Variants in TET1 observed in about 807,000 individuals in gnomAD.
The protein encoded by TET1 is tet methylcytosine dioxygenase 1, also known as methylcytosine dioxygenase TET1.
Under a neutral mutation model 148.7 loss-of-function variants are expected in TET1, and 13 were observed. The ratio of observed to expected loss-of-function variants is 0.09; its 90% CI spans 0.06 to 0.14. TET1 has a LOEUF of 0.14. Ranked by LOEUF, TET1 falls within the 10% of genes least tolerant of loss-of-function variation. TET1 has a pLI of 1.00. For missense variants in TET1, 2,182 were observed against 2,553.8 expected (o/e 0.85, Z 3.14); for synonymous variants, 907 against 937.2 (o/e 0.97, Z 0.59).
At chr10:68,569,273 C>CGCCATTCT (rs1389890600) in intron 1 of TET1, among the ~76,000 whole-genome samples, 1 of 147,806 alleles carries the variant, frequency 6.8e-6, no homozygotes, top group Non-Finnish European at 1.5e-5. Context: ...CCCGGGTTCA[C>CGCCATTCT]GCCATTCTCC....
intron 3 of TET1, among the ~76,000 whole-genome samples, chr10:68,618,958 C>T (rs2054332434): frequency 6.6e-6 from 1 of 151,982 alleles, no homozygotes; most frequent in South Asian, 2.1e-4. Context: ...CAGAATTAGA[C>T]CCTGTCTCTT....
chr10:68,688,865 C>G (rs904189734), intron 11 of TET1, among the ~76,000 whole-genome samples: 2 of 152,162 alleles, frequency 1.3e-5, no homozygotes, highest in Non-Finnish European at 2.9e-5. Context: ...TACTGACACT[C>G]AAAATTAACA....
intron 8 of TET1, among the ~76,000 whole-genome samples, chr10:68,680,554 C>A (rs2055422707): frequency 6.6e-6 from 1 of 152,118 alleles, no homozygotes; most frequent in Non-Finnish European, 1.5e-5. Context: ...CACCAAGTTC[C>A]CCAGACTGGT....
chr10:68,592,886 G>A (rs2053934740), intron 2 of TET1, among the ~76,000 whole-genome samples: 2 of 152,076 alleles, frequency 1.3e-5, no homozygotes, highest in African/African-American at 4.8e-5. Flanking sequence ...GTTTCCGGGT[G>A]GGTGGCAACA....
At chr10:68,594,933 C>T (rs2053960371) in intron 2 of TET1, among the ~76,000 whole-genome samples, 1 of 149,244 alleles carries the variant, frequency 6.7e-6, no homozygotes, top group African/African-American at 2.5e-5. Context: ...GAGCAGAGAT[C>T]TCGCCATTGC....
intron 4 of TET1, among the ~76,000 whole-genome samples, chr10:68,649,605 C>CA (rs557761071): frequency 0.11 from 8,543 of 79,714 alleles, 896 homozygotes; most frequent in African/African-American, 0.28. Flanking sequence ...GACTCTGTCT[C>CA]AAAAAAAAAA....
At chr10:68,653,876 G>A (rs1192390105) in intron 6 of TET1, among the ~76,000 whole-genome samples, 1 of 151,858 alleles carries the variant, frequency 6.6e-6, no homozygotes. Flanking sequence ...GGAGGCCGAG[G>A]TGGGCAGATC....
At position 68,691,013 on chromosome 10, in the gene TET1, C is replaced by G; in HGVS notation, c.5610C>G (p.Cys1870Trp). 2.5e-6 allele frequency: 4 copies of G among 1,614,146 alleles called. No individual in the cohort carries two copies. The highest frequency in any genetic ancestry group is 3.4e-6 in the Non-Finnish European group (4 of 1,179,986). Residue 1870 changes from cysteine to tryptophan, a missense_variant, in exon 12 of 12, where the codon TGC (cysteine) becomes TGG (tryptophan). Transcript: ENST00000373644. The surrounding 1 kb of genome is among the most constrained non-coding windows in gnomAD (Gnocchi z 4.4). The part of the protein sequence containing the change: ...APLKNDATAS[C>W]GFSERSSTPH... ...TGAAGAATGACGCAACAGCCTCATGCGGGTTTTCAGAAAGAAGCAGCACTC... is the reference window on the plus strand; with the variant it reads ...TGAAGAATGACGCAACAGCCTCATGGGGGTTTTCAGAAAGAAGCAGCACTC...
At chr10:68,673,421 TA>T in intron 8 of TET1, 2 of 404,278 alleles carry the variant, frequency 4.9e-6, no homozygotes, top group Admixed American at 2.7e-5. Flanking sequence ...AAAGAATTAC[TA>T]AAGGACGTAA....
intron 7 of TET1, among the ~76,000 whole-genome samples, chr10:68,672,487 C>CAAAAAAAAAAAAAAAAAAAAAAA (rs71483920): frequency 2.0e-5 from 1 of 49,728 alleles, no homozygotes; most frequent in Non-Finnish European, 3.2e-5. Context: ...GACCCCATCT[C>CAAAAAAAAAAAAAAAAAAAAAAA]AAAAAAAAAA....
chr10:68,638,530 G>C (rs1054291308), intron 3 of TET1, among the ~76,000 whole-genome samples: 1 of 152,088 alleles, frequency 6.6e-6, no homozygotes, highest in Non-Finnish European at 1.5e-5. Context: ...TCACGGAGAG[G>C]GTTATTAGGG....
At chr10:68,614,449 T>C (rs2054260375) in intron 3 of TET1, among the ~76,000 whole-genome samples, 1 of 152,174 alleles carries the variant, frequency 6.6e-6, no homozygotes, top group African/African-American at 2.4e-5. Flanking sequence ...AAAAACTCAG[T>C]CAAATTCACT....
chr10:68,637,998 T>C (rs1449709654), intron 3 of TET1, among the ~76,000 whole-genome samples: 1 of 152,196 alleles, frequency 6.6e-6, no homozygotes, highest in Non-Finnish European at 1.5e-5. Context: ...CAGGCTGGTC[T>C]TGAACTCCTT....
intron 3 of TET1, among the ~76,000 whole-genome samples, chr10:68,611,547 G>A (rs2054210200): frequency 1.3e-5 from 2 of 151,804 alleles, no homozygotes; most frequent in Admixed American, 6.6e-5. Context: ...AGTTACTCAG[G>A]AGGCTAGGGT....
chr10:68,618,060 C>A (rs1364861689), intron 3 of TET1, among the ~76,000 whole-genome samples: 1 of 152,040 alleles, frequency 6.6e-6, no homozygotes, highest in East Asian at 1.9e-4. Context: ...AGGCGTTAGT[C>A]ACCATACCTG....
At chr10:68,612,873 C>T (rs1589076330) in intron 3 of TET1, among the ~76,000 whole-genome samples, 1 of 152,314 alleles carries the variant, frequency 6.6e-6, no homozygotes, top group East Asian at 1.9e-4. Context: ...CCACCTCAGA[C>T]TCCCAAAGTG....
At chr10:68,659,375 T>A (rs958261520) in intron 6 of TET1, among the ~76,000 whole-genome samples, 1 of 152,106 alleles carries the variant, frequency 6.6e-6, no homozygotes, top group Non-Finnish European at 1.5e-5. Context: ...TTGCCCAGGG[T>A]GGAGTACAGT....
chr10:68,572,843 A>G lies in TET1; in HGVS notation c.505A>G (p.Ile169Val), dbSNP rs747218316. 1.2e-6 allele frequency: 2 copies of G among 1,614,184 alleles called. No homozygotes were observed. Among genetic ancestry groups the G allele is most frequent in the Admixed American group, 1.7e-5 (1 of 60,006 alleles). Residue 169 changes from isoleucine to valine, a missense_variant, in exon 2 of 12, where the codon ATA becomes GTA. By Grantham distance (29) the Ile-to-Val change is conservative. Coordinates refer to ENST00000373644, the MANE Select transcript of TET1 (RefSeq NM_030625.3). ...GCAAGACACCCAAGTCCTTCCTGAT[A>G]TAGAGACTCTAATTGGTGTACAAAA... The part of the protein sequence containing the change: ...PMQDTQVLPD[I>V]ETLIGVQNPS...
chr10:68,637,881 A>G (rs1369626975), intron 3 of TET1, among the ~76,000 whole-genome samples: 1 of 151,908 alleles, frequency 6.6e-6, no homozygotes, highest in African/African-American at 2.4e-5. Context: ...AAAAAAAAAA[A>G]AGATTCTAGT....
Sources: gnomAD v4.1 joint callset for allele counts (sites outside exome capture counted in the v4.1 genomes callset) on GRCh38, gnomAD v4.1.1 for gene constraint, Gnocchi (gnomAD v3.1) non-coding constraint, MANE v1.5 for transcripts, NCBI Gene and HGNC (gene_info 2026-07-23, HGNC 2026-07-21) for gene names.